RPS6KC1: variants seen among roughly 807,000 people sequenced by gnomAD.
RPS6KC1 encodes the protein ribosomal protein S6 kinase C1.
A neutral mutation model predicts 103.8 loss-of-function variants in RPS6KC1; 54 were observed. The ratio of observed to expected loss-of-function variants is 0.52; its 90% CI spans 0.42 to 0.65. RPS6KC1 has a LOEUF of 0.65. Ranked by LOEUF, RPS6KC1 falls within the 30% of genes least tolerant of loss-of-function variation. RPS6KC1 has a pLI of 0.00. For missense variants in RPS6KC1, 1,151 were observed against 1,253.8 expected (o/e 0.92, Z 1.24); for synonymous variants, 439 against 438.7 (o/e 1.00, Z -0.01).
At chr1:213,101,713 C>T (rs1480889048) in intron 3 of RPS6KC1, among the ~76,000 whole-genome samples, 2 of 151,960 alleles carry the variant, frequency 1.3e-5, no homozygotes, top group African/African-American at 2.4e-5. Context: ...ATAATGTGTG[C>T]ATTTTCTAGG....
chr1:213,565,695 A>C, the RPS6KC1 span, among the ~76,000 whole-genome samples: 1 of 152,182 alleles, frequency 6.6e-6, no homozygotes, highest in South Asian at 2.1e-4. Context: ...GTTGCACACC[A>C]ATGTACACTT....
At chr1:213,400,870 C>G in the RPS6KC1 span, among the ~76,000 whole-genome samples, 1 of 152,042 alleles carries the variant, frequency 6.6e-6, no homozygotes, top group Non-Finnish European at 1.5e-5. Flanking sequence ...CCGTGCCTGG[C>G]TAACTTTTGT....
chr1:213,857,605 G>A, the RPS6KC1 span, among the ~76,000 whole-genome samples: 1 of 152,194 alleles, frequency 6.6e-6, no homozygotes. Context: ...GCCCATTGAA[G>A]TAACAAACTT....
At chr1:213,328,504 C>CTATGTATA in the RPS6KC1 span, among the ~76,000 whole-genome samples, 3 of 101,466 alleles carry the variant, frequency 3.0e-5, 1 homozygote, top group South Asian at 6.7e-4. Context: ...AGCCATTATA[C>CTATGTATA]TATATATATA....
chr1:213,395,570 T>G, the RPS6KC1 span, among the ~76,000 whole-genome samples: 1 of 152,174 alleles, frequency 6.6e-6, no homozygotes, highest in African/African-American at 2.4e-5. Flanking sequence ...AGCAGTGATT[T>G]TCTGCTAACT....
the RPS6KC1 span, among the ~76,000 whole-genome samples, chr1:213,519,431 A>G: frequency 6.6e-6 from 1 of 152,320 alleles, no homozygotes; most frequent in South Asian, 2.1e-4. Context: ...ACTGGGGGGA[A>G]AAGATAATTC....
chr1:213,127,415 T>C (rs540748853), intron 5 of RPS6KC1, among the ~76,000 whole-genome samples: 2 of 152,348 alleles, frequency 1.3e-5, no homozygotes, highest in Admixed American at 6.5e-5. Context: ...CTTGTCTTTT[T>C]AATATGCTGT....
the RPS6KC1 span, among the ~76,000 whole-genome samples, chr1:213,512,381 A>G: frequency 6.6e-6 from 1 of 152,208 alleles, no homozygotes; most frequent in Non-Finnish European, 1.5e-5. Context: ...ACCTTTAGGA[A>G]AAAGCATTCT....
At chr1:213,275,474 G>C (rs369146956), downstream of RPS6KC1, among the ~76,000 whole-genome samples, 2 of 152,176 alleles carry the variant, frequency 1.3e-5, no homozygotes, top group East Asian at 3.8e-4. Flanking sequence ...AGATGGATAA[G>C]TTAAGCTTCC....
chr1:213,729,665 G>T, the RPS6KC1 span, among the ~76,000 whole-genome samples: 2 of 152,092 alleles, frequency 1.3e-5, no homozygotes, highest in Non-Finnish European at 2.9e-5. Flanking sequence ...CTGCTTCTGG[G>T]CCGTGATTCC....
chr1:213,480,009 G>A, the RPS6KC1 span, among the ~76,000 whole-genome samples: 1 of 151,756 alleles, frequency 6.6e-6, no homozygotes, highest in Non-Finnish European at 1.5e-5. Flanking sequence ...TTATTGTTAA[G>A]CCACAATTTT....
At chr1:213,414,617 G>A in the RPS6KC1 span, among the ~76,000 whole-genome samples, 1 of 152,190 alleles carries the variant, frequency 6.6e-6, no homozygotes, top group Non-Finnish European at 1.5e-5. Flanking sequence ...CTGACCACCT[G>A]CATGTCATAC....
the RPS6KC1 span, among the ~76,000 whole-genome samples, chr1:213,616,083 G>A: frequency 1.3e-5 from 2 of 152,258 alleles, no homozygotes; most frequent in African/African-American, 4.8e-5. Context: ...GCTGGAGTTT[G>A]GGAAAGGGCA....
chr1:213,232,149 C>G lies in RPS6KC1; in HGVS notation c.1119C>G (p.Ser373Arg). 1 of 1,613,920 alleles carries G rather than the reference C, an allele frequency of 6.2e-7. No homozygotes were observed. Among genetic ancestry groups the G allele is most frequent in the Non-Finnish European group, 8.5e-7 (1 of 1,179,876 alleles). The change falls in exon 10 of 15, where the codon AGC (serine) becomes AGG (arginine). Residue 373 changes from serine to arginine, a missense_variant. This residue lies in a region of RPS6KC1 where 959 missense variants were observed against 1,006.3 expected (regional missense o/e 0.95). Coordinates refer to ENST00000366960, the MANE Select transcript of RPS6KC1 (RefSeq NM_012424.6). Reference protein sequence around the residue: ...LKGLRKSSEYSRNRKTIIPRC... With the variant: ...LKGLRKSSEYRRNRKTIIPRC... ...GTCTAAGGAAAAGCAGTGAATACAG[C>G]AGGAACAGAAAGACCATCATCCCCC... is the stretch of plus-strand genomic sequence containing the variant.
chr1:213,460,697 A>T, the RPS6KC1 span, among the ~76,000 whole-genome samples: 1 of 152,038 alleles, frequency 6.6e-6, no homozygotes, highest in Non-Finnish European at 1.5e-5. Flanking sequence ...GGTCTTTACA[A>T]TTTGGTATGT....
At chr1:213,131,131 C>T (rs76940900) in intron 6 of RPS6KC1, among the ~76,000 whole-genome samples, 7,184 of 152,088 alleles carry the variant, frequency 0.047, 255 homozygotes, top group South Asian at 0.091. Context: ...TACTTAATTT[C>T]GGTGGGCCTG....
the RPS6KC1 span, among the ~76,000 whole-genome samples, chr1:213,524,406 C>A: frequency 5.3e-4 from 80 of 151,972 alleles, no homozygotes; most frequent in African/African-American, 1.7e-3. Context: ...GAGCAGCCAG[C>A]CCCAGCCCCA....
At chr1:213,251,935 C>T (rs1271738658) in intron 12 of RPS6KC1, among the ~76,000 whole-genome samples, 1 of 152,098 alleles carries the variant, frequency 6.6e-6, no homozygotes, top group Non-Finnish European at 1.5e-5. Flanking sequence ...AAGAAATATA[C>T]AATTGGTTAA....
At chr1:213,366,143 G>A in the RPS6KC1 span, among the ~76,000 whole-genome samples, 566 of 152,360 alleles carry the variant, frequency 3.7e-3, 4 homozygotes, top group African/African-American at 0.013. Context: ...AAGAGGGGTG[G>A]TTTCTCACAG....
Sources: gnomAD v4.1 joint callset for allele counts (sites outside exome capture counted in the v4.1 genomes callset) on GRCh38, gnomAD v4.1.1 for gene constraint, gnomAD v4.1.1 regional missense constraint, MANE v1.5 for transcripts, NCBI Gene and HGNC (gene_info 2026-07-23, HGNC 2026-07-21) for gene names.